Variants in SDHA observed in about 807,000 individuals in gnomAD.
SDHA encodes the protein succinate dehydrogenase [ubiquinone] flavoprotein subunit, mitochondrial.
A neutral mutation model predicts 78.4 loss-of-function variants in SDHA; 48 were observed. That is an observed-to-expected ratio of 0.61 (90% CI 0.49 to 0.78). SDHA has a LOEUF of 0.78. Ranked by LOEUF, SDHA falls within the 30% of genes least tolerant of loss-of-function variation. The pLI is 0.00. For synonymous variants in SDHA, 326 were observed against 353.9 expected (o/e 0.92, Z 0.88); for missense variants, 680 against 892.7 (o/e 0.76, Z 3.04).
At chr5:222,792 C>T (rs1579378675) in intron 1 of SDHA, among the ~76,000 whole-genome samples, 1 of 152,198 alleles carries the variant, frequency 6.6e-6, no homozygotes, top group Non-Finnish European at 1.5e-5. Context: ...AAACTAAACA[C>T]CAAAACCAGT....
chr5:218,813 G>A (rs1330122630), intron 1 of SDHA, among the ~76,000 whole-genome samples: 1 of 152,178 alleles, frequency 6.6e-6, no homozygotes, highest in Non-Finnish European at 1.5e-5. Flanking sequence ...GCGGCCGGTG[G>A]CCGCCCTGGC....
At chr5:234,439 A>AC (rs1404658698) in intron 8 of SDHA, 34 of 151,752 alleles carry the variant, frequency 2.2e-4, no homozygotes, top group African/African-American at 7.8e-4. Context: ...AAAAAAAAAA[A>AC]AAAAACAGAG....
intron 7 of SDHA, 44 bp from the exon 8 acceptor site, chr5:233,433 G>A (rs748657613): frequency 6.3e-7 from 1 of 1,595,988 alleles, no homozygotes; most frequent in African/African-American, 1.3e-5. Flanking sequence ...TTGAAATAGA[G>A]ATCTAGCAAT....
At chr5:248,434 A>T (rs369020313) in intron 11 of SDHA, among the ~76,000 whole-genome samples, 1 of 152,230 alleles carries the variant, frequency 6.6e-6, no homozygotes. Context: ...GATAGCAGTG[A>T]TCACCATTGC....
chr5:244,351 G>C (rs867252009), intron 11 of SDHA, among the ~76,000 whole-genome samples: 6,206 of 151,430 alleles, frequency 0.041, no homozygotes, highest in Middle Eastern at 0.058. Flanking sequence ...CAAATACATA[G>C]AGGAGTCATT....
chr5:229,455 C>T (rs900252344), intron 6 of SDHA, among the ~76,000 whole-genome samples: 16 of 152,152 alleles, frequency 1.1e-4, no homozygotes, highest in African/African-American at 2.7e-4. Flanking sequence ...TGTGTGACAA[C>T]GTGGATGAAC....
Position 225,509 on chromosome 5 carries a change from G to A in SDHA, c.403G>A (p.Asp135Asn), listed in dbSNP as rs1734960553. The A allele has an allele frequency of 6.2e-7, 1 of 1,613,936 alleles. No individual in the cohort carries two copies. Among genetic ancestry groups the A allele is most frequent in the South Asian group, 1.1e-5 (1 of 91,062 alleles). ...DTVKGSDWLG[D>N]QDAIHYMTEQ... is the part of the protein sequence containing the mutation. Reference sequence around the variant, plus strand: ...CGTGAAGGGCTCCGACTGGCTGGGGGACCAGGATGCCATCCACTACATGAC... The same window carrying A: ...CGTGAAGGGCTCCGACTGGCTGGGGAACCAGGATGCCATCCACTACATGAC... The change falls in exon 4 of 15, where the codon GAC becomes AAC. Residue 135 changes from aspartate to asparagine, a missense_variant. Transcript: ENST00000264932.
chr5:258,905 A>G (rs1447809081), downstream of SDHA, among the ~76,000 whole-genome samples: 1 of 46,822 alleles, frequency 2.1e-5, no homozygotes, highest in Admixed American at 1.9e-4. Flanking sequence ...CCAGAGCATT[A>G]CCGTGTGAGC....
intron 14 of SDHA, among the ~76,000 whole-genome samples, chr5:254,788 T>C (rs1358316587): frequency 6.6e-6 from 1 of 151,950 alleles, no homozygotes; most frequent in Non-Finnish European, 1.5e-5. Flanking sequence ...GTCCAAGGCC[T>C]GGTGGTAGGG....
chr5:255,477 A>G (rs1191137281), intron 14 of SDHA, among the ~76,000 whole-genome samples: 1 of 151,490 alleles, frequency 6.6e-6, no homozygotes, highest in African/African-American at 2.4e-5. Flanking sequence ...TTTTTCTGAG[A>G]TAGAGTCTCA....
chr5:248,278 C>G (rs1006457119), intron 11 of SDHA, among the ~76,000 whole-genome samples: 1 of 152,204 alleles, frequency 6.6e-6, no homozygotes, highest in Non-Finnish European at 1.5e-5. Flanking sequence ...AAGACTGATG[C>G]TGAGGAGGAC....
At chr5:246,617 T>C (rs1736480336) in intron 11 of SDHA, among the ~76,000 whole-genome samples, 1 of 152,242 alleles carries the variant, frequency 6.6e-6, no homozygotes, top group Admixed American at 6.5e-5. Flanking sequence ...ACTGGTGTTA[T>C]TGTTCAAGAG....
intron 13 of SDHA, among the ~76,000 whole-genome samples, chr5:252,836 A>G (rs1736940455): frequency 6.6e-6 from 1 of 150,438 alleles, no homozygotes; most frequent in East Asian, 1.9e-4. Flanking sequence ...GGAAAATGCC[A>G]GTTTATTAAC....
rs2126584963 is a variant in SDHA at position 235,246 on chromosome 5, C to T, written c.1167C>T (p.Ile389=). ...RLPGISETAM[I]FAGVDVTKEP... Reference sequence around the variant, plus strand: ...CTGGCATTTCAGAGACAGCCATGATCTTCGCTGGCGTGGACGTCACGAAGG... The same window carrying T: ...CTGGCATTTCAGAGACAGCCATGATTTTCGCTGGCGTGGACGTCACGAAGG... Residue 389 remains isoleucine, a synonymous_variant, in exon 9 of 15, where the codon ATC becomes ATT. Transcript: ENST00000264932. The T allele has an allele frequency of 1.2e-6, 2 of 1,614,046 alleles. No homozygotes were observed. Among genetic ancestry groups the T allele is most frequent in the African/African-American group, 1.3e-5 (1 of 75,018 alleles).
At chr5:235,021 A>G in intron 8 of SDHA, 123 bp from the exon 9 acceptor site, 1 of 953,420 alleles carries the variant, frequency 1.0e-6, no homozygotes, top group Non-Finnish European at 1.7e-6. Context: ...GTGACCATAC[A>G]TGAGGGGAAA....
At chr5:225,695 CT>C (rs1206136879) in intron 4 of SDHA, 133 bp downstream of exon 4, 18 of 1,404,998 alleles carry the variant, frequency 1.3e-5, no homozygotes, top group Non-Finnish European at 1.8e-5. Flanking sequence ...CAAGAAGAGT[CT>C]TTTTCCGTTA....
intron 13 of SDHA, among the ~76,000 whole-genome samples, chr5:253,264 T>G (rs541301957): frequency 2.6e-5 from 4 of 152,146 alleles, no homozygotes; most frequent in African/African-American, 9.7e-5. Context: ...ACATGGTGAA[T>G]GGGAAAATCA....
intron 10 of SDHA, among the ~76,000 whole-genome samples, chr5:238,891 G>A (rs1046934979): frequency 4.0e-5 from 6 of 150,836 alleles, no homozygotes; most frequent in Admixed American, 6.6e-5. Flanking sequence ...AGCCTGGAAG[G>A]CAGAGGTTGC....
intron 11 of SDHA, among the ~76,000 whole-genome samples, chr5:242,222 C>A (rs1269344551): frequency 2.0e-5 from 3 of 152,132 alleles, no homozygotes; most frequent in Non-Finnish European, 4.4e-5. Flanking sequence ...AAATGTGGCC[C>A]AAAACTGACC....
Sources: allele counts gnomAD v4.1 joint callset (sites outside exome capture counted in the v4.1 genomes callset), GRCh38; gene constraint gnomAD v4.1.1; transcripts MANE v1.5; gene names NCBI Gene and HGNC (gene_info 2026-07-23, HGNC 2026-07-21).